Variants in TMEM168 observed in about 807,000 individuals in gnomAD.
TMEM168 encodes the protein transmembrane protein 168.
TMEM168 carries 40 observed loss-of-function variants against 53.2 expected under a neutral mutation model. The ratio of observed to expected loss-of-function variants is 0.75; its 90% CI spans 0.58 to 0.98. The LOEUF is 0.98. Among genes scored for constraint, TMEM168 ranks in the 50% least tolerant of loss-of-function variants. The pLI, the probability that TMEM168 is intolerant of heterozygous loss-of-function variation, is 0.00. For synonymous variants in TMEM168, 282 were observed against 293.0 expected (o/e 0.96, Z 0.38); for missense variants, 771 against 828.8 (o/e 0.93, Z 0.86).
intron 2 of TMEM168, among the ~76,000 whole-genome samples, chr7:112,780,656 C>T (rs923092095): frequency 1.3e-5 from 2 of 152,048 alleles, no homozygotes; most frequent in South Asian, 4.1e-4. Flanking sequence ...CGCAGGAGGT[C>T]GAGGCTGCAG....
At chr7:112,785,409 G>A (rs1793351671) in intron 1 of TMEM168, among the ~76,000 whole-genome samples, 1 of 152,166 alleles carries the variant, frequency 6.6e-6, no homozygotes, top group African/African-American at 2.4e-5. Flanking sequence ...ATTACGACCT[G>A]CCAAATATCC....
In TMEM168 at chr7:112,784,542, G is replaced by T. The variant is rs753774532; in HGVS notation, c.284C>A (p.Ser95Tyr). Reference sequence around the variant, plus strand: ...AAGCAAGAATCCAAACCAAAGATTGGAGAGACTTAAACTTGCTGCTTCCAT... The same window carrying T: ...AAGCAAGAATCCAAACCAAAGATTGTAGAGACTTAAACTTGCTGCTTCCAT... ...FSMEAASLSL[S>Y]NLWFGFLLGL... The change falls in exon 2 of 5, where the codon TCC becomes TAC. Residue 95 changes from serine to tyrosine, a missense_variant. By Grantham distance (144) the Ser-to-Tyr change is moderately radical. Transcript: ENST00000312814. The T allele has an allele frequency of 1.1e-5, 17 of 1,614,044 alleles. No individual in the cohort carries two copies. The highest frequency in any genetic ancestry group is 1.3e-5 in the Non-Finnish European group (15 of 1,180,032).
At chr7:112,777,985 ATATTAT>A (rs1352912813) in intron 2 of TMEM168, among the ~76,000 whole-genome samples, 4 of 150,708 alleles carry the variant, frequency 2.7e-5, no homozygotes, top group Admixed American at 6.6e-5. Flanking sequence ...TATAAAAATT[ATATTAT>A]TATTAACTTT....
intron 2 of TMEM168, among the ~76,000 whole-genome samples, chr7:112,776,755 T>G (rs898456162): frequency 2.0e-5 from 3 of 150,304 alleles, no homozygotes; most frequent in African/African-American, 7.5e-5. Context: ...TTCATGTGTA[T>G]GTTTTTTTTT....
At chr7:112,774,585 CT>C (rs1158081885) in intron 3 of TMEM168, among the ~76,000 whole-genome samples, 183 of 142,854 alleles carry the variant, frequency 1.3e-3, no homozygotes, top group Non-Finnish European at 1.2e-3. Flanking sequence ...TGCTTTTTTC[CT>C]TTTTTTTTTT....
At chr7:112,776,306 G>A (rs1274650314) in intron 2 of TMEM168, among the ~76,000 whole-genome samples, 6 of 151,804 alleles carry the variant, frequency 4.0e-5, no homozygotes, top group Admixed American at 3.9e-4. Context: ...GAAGAAATAA[G>A]GAGGAGGCAA....
chr7:112,780,835 T>C (rs71561775), intron 2 of TMEM168, among the ~76,000 whole-genome samples: 3 of 151,304 alleles, frequency 2.0e-5, no homozygotes, highest in South Asian at 2.1e-4. Context: ...GTACCTGGGG[T>C]TGGGAGAAGG....
At chr7:112,788,945 G>A (rs999308306) in intron 1 of TMEM168, among the ~76,000 whole-genome samples, 3 of 152,084 alleles carry the variant, frequency 2.0e-5, no homozygotes, top group Non-Finnish European at 4.4e-5. Context: ...TATGTAAAAT[G>A]CTCCAATGGC....
rs1792794414 is a variant in TMEM168 at position 112,766,960 on chromosome 7, T to C, written c.*237A>G. The C allele has an allele frequency of 2.1e-6, 1 of 477,322 alleles. No homozygotes were observed. Among genetic ancestry groups the C allele is most frequent in the African/African-American group, 2.0e-5 (1 of 50,990 alleles). The allele number at this position is 477,322 out of a possible 1,614,324, so 29.6% of individuals were successfully genotyped here. On this transcript the variant is annotated 3_prime_UTR_variant, in exon 5 of 5. Coordinates refer to ENST00000312814, the MANE Select transcript of TMEM168 (RefSeq NM_022484.6). ...AAACATTCCTGAAAGTGCAGTGTTATTTTTAACGTCTCTTATGCATTTACA... is the reference window on the plus strand; with the variant it reads ...AAACATTCCTGAAAGTGCAGTGTTACTTTTAACGTCTCTTATGCATTTACA...
In TMEM168 at chr7:112,784,815, G is replaced by T; in HGVS notation, c.11C>A (p.Ser4Ter). The change falls in exon 2 of 5, where the codon TCA becomes TAA. Residue 4 changes from serine to a stop codon, truncating the protein, a stop_gained. Coordinates refer to ENST00000312814, the MANE Select transcript of TMEM168 (RefSeq NM_022484.6). LOFTEE classifies it high-confidence loss of function. MCK[S>*]LRYCFSHCLY... ...ACAATGACTAAAGCAATAACGCAGT[G>T]ATTTACACATGTAACCAGCAATGTG... The T allele has an allele frequency of 1.3e-6, 2 of 1,580,734 alleles. No homozygotes were observed. The highest frequency in any genetic ancestry group is 2.4e-5 in the South Asian group (2 of 85,024).
chr7:112,775,198 C>G lies in TMEM168; in HGVS notation c.1249G>C (p.Val417Leu). ...LGGTSVGYAI[V>L]IPTNFCSPDG... ...TACCTGCAGAAGTTGGTGGGAATCA[C>G]AATAGCATATCCAACAGATGTTCCT... The change falls in exon 3 of 5, where the codon GTG (valine) becomes CTG (leucine). Residue 417 changes from valine (V) to leucine (L), a missense_variant. Physicochemically the swap from Val to Leu is conservative, Grantham distance 32. Coordinates refer to ENST00000312814, the MANE Select transcript of TMEM168 (RefSeq NM_022484.6). The G allele has an allele frequency of 6.2e-7, 1 of 1,610,686 alleles. No homozygotes were observed. Among genetic ancestry groups the G allele is most frequent in the Non-Finnish European group, 8.5e-7 (1 of 1,178,434 alleles).
chr7:112,774,530 C>T (rs1457943971), intron 3 of TMEM168, among the ~76,000 whole-genome samples: 1 of 151,654 alleles, frequency 6.6e-6, no homozygotes, highest in Non-Finnish European at 1.5e-5. Context: ...GCCCAGAGCA[C>T]GTTTTACTAT....
intron 4 of TMEM168, among the ~76,000 whole-genome samples, chr7:112,770,842 T>C (rs982571526): frequency 6.6e-6 from 1 of 152,210 alleles, no homozygotes; most frequent in South Asian, 2.1e-4. Flanking sequence ...ACTCTAACAC[T>C]TTAAAATAAC....
Position 112,784,769 on chromosome 7 carries a change from T to A in TMEM168, c.57A>T (p.Arg19Ser), listed in dbSNP as rs761958874. The A allele has an allele frequency of 6.2e-7, 1 of 1,610,626 alleles. No homozygotes were observed. Among genetic ancestry groups the A allele is most frequent in the East Asian group, 2.2e-5 (1 of 44,854 alleles). ...FSHCLYLAMT[R>S]LEEVNREVNM... ...TCACTTCTCTATTTACTTCTTCCAG[T>A]CTTGTCATTGCTAAATAGAGACAAT... Residue 19 changes from arginine (R) to serine (S), a missense_variant, in exon 2 of 5, where the codon AGA becomes AGT. Coordinates refer to ENST00000312814, the MANE Select transcript of TMEM168 (RefSeq NM_022484.6).
chr7:112,787,605 G>A (rs1422696457), intron 1 of TMEM168, among the ~76,000 whole-genome samples: 1 of 151,646 alleles, frequency 6.6e-6, no homozygotes, highest in Non-Finnish European at 1.5e-5. Flanking sequence ...AGTAGAGACG[G>A]GGTTTCACCA....
chr7:112,773,030 G>T lies in TMEM168; in HGVS notation c.1297C>A (p.Pro433Thr). 1 of 1,608,102 alleles carries T rather than the reference G, an allele frequency of 6.2e-7. No individual in the cohort carries two copies. The highest frequency in any genetic ancestry group is 8.5e-7 in the Non-Finnish European group (1 of 1,175,166). ...TTTAACTCCTGTACATGTTCTGGGG[G>T]AAGCAGTGTTGGCTGACCATCAGGA... ...CSPDGQPTLL[P>T]PEHVQELNLR... is the part of the protein sequence containing the mutation. The change falls in exon 4 of 5, where the codon CCC (proline) becomes ACC (threonine). Residue 433 changes from proline to threonine, a missense_variant. By Grantham distance (38) the Pro-to-Thr change is conservative (BLOSUM62 -1). Coordinates refer to ENST00000312814, the MANE Select transcript of TMEM168 (RefSeq NM_022484.6).
At chr7:112,789,905 G>T (rs1394693213) in intron 1 of TMEM168, among the ~76,000 whole-genome samples, 2 of 152,224 alleles carry the variant, frequency 1.3e-5, no homozygotes, top group Admixed American at 6.5e-5. Context: ...GAGCTTGGCT[G>T]TTCTCCACCA....
Position 112,784,366 on chromosome 7 carries a change from G to C in TMEM168, c.460C>G (p.Leu154Val). Residue 154 changes from leucine to valine, a missense_variant, in exon 2 of 5, where the codon CTA becomes GTA. By Grantham distance (32) the Leu-to-Val change is conservative (BLOSUM62 1). Coordinates refer to ENST00000312814, the MANE Select transcript of TMEM168 (RefSeq NM_022484.6). ...AGCTCCAGAAATTCAACTGTGGTTA[G>C]TAAAGTGGGCCGATGACGGACATAA... ...SGYVRHRPTL[L>V]TTVEFLELVG... 2 of 1,614,206 alleles carry C rather than the reference G, an allele frequency of 1.2e-6. No homozygotes were observed. The highest frequency in any genetic ancestry group is 1.7e-6 in the Non-Finnish European group (2 of 1,180,032).
At chr7:112,769,061 C>G (rs1230503126) in intron 4 of TMEM168, among the ~76,000 whole-genome samples, 2 of 152,122 alleles carry the variant, frequency 1.3e-5, no homozygotes, top group Non-Finnish European at 2.9e-5. Context: ...TTACAATTTA[C>G]CAGCACAAGA....
Sources: gnomAD v4.1 joint callset for allele counts (sites outside exome capture counted in the v4.1 genomes callset) on GRCh38, gnomAD v4.1.1 for gene constraint, MANE v1.5 for transcripts, NCBI Gene and HGNC (gene_info 2026-07-23, HGNC 2026-07-21) for gene names.